Variants in GFPT2 observed in about 807,000 individuals in gnomAD.
GFPT2 encodes glutamine--fructose-6-phosphate aminotransferase [isomerizing] 2.
A neutral mutation model predicts 85.6 loss-of-function variants in GFPT2; 62 were observed. The observed-to-expected ratio is 0.72, with a 90% CI of 0.59 to 0.90. The LOEUF is 0.90. GFPT2 is among the 40% of genes least tolerant of loss of function. GFPT2 has a pLI of 0.00. For missense variants in GFPT2, 788 were observed against 893.4 expected (o/e 0.88, Z 1.50); for synonymous variants, 368 against 344.5 (o/e 1.07, Z -0.75).
chr5:180,314,210 C>T (rs1041034109), intron 13 of GFPT2, among the ~76,000 whole-genome samples: 1 of 152,202 alleles, frequency 6.6e-6, no homozygotes, highest in Non-Finnish European at 1.5e-5. Flanking sequence ...ACCATCGTCC[C>T]CATTTTCCTC....
intron 4 of GFPT2, among the ~76,000 whole-genome samples, chr5:180,332,270 G>A (rs751871032): frequency 2.3e-4 from 35 of 149,124 alleles, no homozygotes; most frequent in Non-Finnish European, 4.4e-4. Context: ...GGATGCGGGG[G>A]ATGCGGTGAG....
intron 9 of GFPT2, among the ~76,000 whole-genome samples, chr5:180,319,391 C>G (rs11249704): frequency 0.11 from 17,188 of 152,180 alleles, 1,191 homozygotes; most frequent in African/African-American, 0.19. Flanking sequence ...ACTCGAGAAC[C>G]AACACATTAT....
At chr5:180,340,332 G>A (rs562255843) in intron 1 of GFPT2, among the ~76,000 whole-genome samples, 650 of 151,892 alleles carry the variant, frequency 4.3e-3, no homozygotes, top group African/African-American at 0.013. Context: ...TCAGCCTCCC[G>A]AGTAGCTGGG....
rs367953703 is a variant in GFPT2 at position 180,317,573 on chromosome 5, A to C, written c.959-515T>G. On this transcript the variant is annotated intron_variant, in intron 10 of 18. Coordinates refer to ENST00000253778, the MANE Select transcript of GFPT2 (RefSeq NM_005110.4). The stretch of plus-strand genomic sequence containing the variant: ...AGGAGATCGAGACCATCCCGGCTAA[A>C]ACAGTGAAACCCCGTCTCTACTAAA... Among the ~76,000 whole-genome samples, 1,306 of 145,610 alleles carry C rather than the reference A, an allele frequency of 9.0e-3. 38 individuals carry two copies. Among genetic ancestry groups the C allele is most frequent in the African/African-American group, 0.019 (689 of 35,450 alleles).
At chr5:180,319,373 T>A (rs539970672) in intron 9 of GFPT2, among the ~76,000 whole-genome samples, 2 of 152,330 alleles carry the variant, frequency 1.3e-5, no homozygotes, top group South Asian at 4.1e-4. Flanking sequence ...ATGTCACCTC[T>A]GGAAGATACT....
intron 9 of GFPT2, among the ~76,000 whole-genome samples, chr5:180,321,840 G>A (rs889457788): frequency 1.8e-4 from 27 of 152,246 alleles, no homozygotes; most frequent in Non-Finnish European, 3.7e-4. Flanking sequence ...CTGGAGTGCA[G>A]TGGCGCGATC....
Position 180,328,411 on chromosome 5 carries a change from C to A in GFPT2, c.535-73G>T. 1 of 1,202,984 alleles carries A rather than the reference C, an allele frequency of 8.3e-7. No homozygotes were observed. 74.5% of individuals were successfully genotyped at this position (1,202,984 alleles called of 1,614,324 possible). ...CTGCAGCCTGGCCACAGCCCAGGTGCGTCTCCCTGGGCCCCTCCTGATGGC... is the reference window on the plus strand; with the variant it reads ...CTGCAGCCTGGCCACAGCCCAGGTGAGTCTCCCTGGGCCCCTCCTGATGGC... On this transcript the variant is annotated intron_variant, in intron 6 of 18. Coordinates refer to ENST00000253778, the MANE Select transcript of GFPT2 (RefSeq NM_005110.4). This position sits in a 1 kb window ranked among gnomAD's most constrained non-coding sequence, Gnocchi z 5.4.
chr5:180,311,704 A>C (rs906664219), intron 15 of GFPT2, among the ~76,000 whole-genome samples: 1 of 135,864 alleles, frequency 7.4e-6, no homozygotes, highest in Non-Finnish European at 1.6e-5. Flanking sequence ...AGGCCAGTCA[A>C]CAGGTGAACA....
chr5:180,338,011 A>C (rs1223865808), intron 2 of GFPT2, among the ~76,000 whole-genome samples: 1 of 152,190 alleles, frequency 6.6e-6, no homozygotes, highest in Non-Finnish European at 1.5e-5. Context: ...GCACGCCTGT[A>C]GTCCCAGATG....
At position 180,312,426 on chromosome 5, in the gene GFPT2, A is replaced by G; in HGVS notation, c.1546+4T>C. 1 of 1,470,446 alleles carries G rather than the reference A, an allele frequency of 6.8e-7. No homozygotes were observed. Among genetic ancestry groups the G allele is most frequent in the South Asian group, 1.1e-5 (1 of 88,172 alleles). The allele number at this position is 1,470,446 out of a possible 1,614,324, so 91.1% of individuals were successfully genotyped here. A position where few individuals can be genotyped will look rare whatever the true frequency, so the allele number is the denominator to read the frequency against. On this transcript the variant is annotated splice_donor_region_variant and intron_variant, in intron 15 of 18. Coordinates refer to ENST00000253778, the MANE Select transcript of GFPT2 (RefSeq NM_005110.4). ...AACATGGAAAGCTGAATTCTAGAAC[A>G]TACCAGGTAAAGATCTCAAGCCACG...
Position 180,316,980 on chromosome 5 carries a change from T to C in GFPT2, c.1037A>G (p.Asn346Ser). 6.2e-7 allele frequency: 1 copy of C among 1,609,420 alleles called. No homozygotes were observed. The highest frequency in any genetic ancestry group is 8.5e-7 in the Non-Finnish European group (1 of 1,175,716). ...GGAATTACCTGTGTTGGTTTCAAAATTCACCCGACCTCTCATAGTATTGAA... is the reference window on the plus strand; with the variant it reads ...GGAATTACCTGTGTTGGTTTCAAAACTCACCCGACCTCTCATAGTATTGAA... ...SVFNTMRGRV[N>S]FETNTVLLGG... The change falls in exon 11 of 19, where the codon AAT becomes AGT. Residue 346 changes from asparagine (N) to serine (S), a missense_variant. By Grantham distance (46) the Asn-to-Ser change is conservative. Transcript: ENST00000253778.
intron 15 of GFPT2, among the ~76,000 whole-genome samples, chr5:180,307,969 G>A (rs192397811): frequency 2.0e-5 from 3 of 151,862 alleles, no homozygotes; most frequent in Middle Eastern, 3.4e-3. Flanking sequence ...AAAATTAGCC[G>A]GGCGTGGTTG....
chr5:180,327,842 C>T (rs1054165237), intron 7 of GFPT2, among the ~76,000 whole-genome samples: 23 of 152,136 alleles, frequency 1.5e-4, no homozygotes, highest in Admixed American at 3.9e-4. Context: ...GCTTGAGCCC[C>T]GGGCCTTCAA....
Position 180,346,029 on chromosome 5 carries a change from C to T in GFPT2, c.7+7182G>A, listed in dbSNP as rs917934364. ...GATCCCAGGACTGGCATGAGGACAG[C>T]CTTCTAATCAAATGAGCCAGGGCCT... is the stretch of plus-strand genomic sequence containing the variant. On this transcript the variant is annotated intron_variant, in intron 1 of 18. Transcript: ENST00000253778. 6.6e-5 allele frequency among the ~76,000 whole-genome samples: 10 copies of T among 151,928 alleles called. No homozygotes were observed. In the East Asian group the frequency reaches 1.2e-3, roughly 18 times the overall value.
At chr5:180,349,134 GA>G (rs900143121) in intron 1 of GFPT2, among the ~76,000 whole-genome samples, 103 of 149,640 alleles carry the variant, frequency 6.9e-4, no homozygotes, top group Admixed American at 4.3e-3. Flanking sequence ...TTAATTAAAA[GA>G]AAAAAAAATC....
At position 180,316,933 on chromosome 5, in the gene GFPT2, C is replaced by T. The variant is rs201282329; in HGVS notation, c.1054+30G>A. ...CGCATTCCCTGAGACTAGGCTCGGGCGGAGGCTCCCCACCGAGTGTAGGAA... is the reference window on the plus strand; with the variant it reads ...CGCATTCCCTGAGACTAGGCTCGGGTGGAGGCTCCCCACCGAGTGTAGGAA... On this transcript the variant is annotated intron_variant, in intron 11 of 18. Coordinates refer to ENST00000253778, the MANE Select transcript of GFPT2 (RefSeq NM_005110.4). The T allele has an allele frequency of 1.5e-4, 229 of 1,554,464 alleles. 2 individuals are homozygous for T. In the African/African-American group the frequency reaches 2.2e-3, roughly 15 times the overall value.
At chr5:180,336,085 G>A in intron 3 of GFPT2, 132 bp from the exon 4 acceptor site, 3 of 810,292 alleles carry the variant, frequency 3.7e-6, no homozygotes, top group Non-Finnish European at 5.8e-6. Context: ...CTCCCACCCT[G>A]GGAGTCCGCG....
At chr5:180,310,765 C>A (rs1266413459) in intron 15 of GFPT2, among the ~76,000 whole-genome samples, 2 of 131,544 alleles carry the variant, frequency 1.5e-5, no homozygotes, top group Non-Finnish European at 3.1e-5. Flanking sequence ...ACACAATGAC[C>A]AGTAGGCCTT....
chr5:180,310,886 T>C (rs1009996406), intron 15 of GFPT2, among the ~76,000 whole-genome samples: 10 of 148,490 alleles, frequency 6.7e-5, no homozygotes, highest in African/African-American at 2.5e-4. Context: ...AAGAATGTAT[T>C]ACTATGTGAA....
Sources: gnomAD v4.1 joint callset for allele counts (sites outside exome capture counted in the v4.1 genomes callset) on GRCh38, gnomAD v4.1.1 for gene constraint, Gnocchi (gnomAD v3.1) non-coding constraint, MANE v1.5 for transcripts, NCBI Gene and HGNC (gene_info 2026-07-23, HGNC 2026-07-21) for gene names.